Variants in PTPN12 observed in about 807,000 individuals in gnomAD.
PTPN12 encodes the protein protein tyrosine phosphatase non-receptor type 12.
In PTPN12, 29 loss-of-function variants were observed where a neutral mutation model predicts 97.6. The observed-to-expected ratio is 0.30, with a 90% CI of 0.22 to 0.41. PTPN12 has a LOEUF of 0.41. PTPN12 is among the 10% of genes least tolerant of loss of function. The probability of loss-of-function intolerance (pLI) is 1.00; values close to 1 mark genes in which losing one functional copy is unlikely to be tolerated. For synonymous variants in PTPN12, 327 were observed against 300.4 expected (o/e 1.09, Z -0.91); for missense variants, 819 against 926.0 (o/e 0.88, Z 1.50).
intron 12 of PTPN12, among the ~76,000 whole-genome samples, chr7:77,622,804 T>G (rs1253117683): frequency 2.0e-5 from 3 of 151,774 alleles, no homozygotes; most frequent in Admixed American, 1.3e-4. Flanking sequence ...TAAAATACTA[T>G]AAATTTAAAA....
intron 11 of PTPN12, among the ~76,000 whole-genome samples, chr7:77,617,133 G>C (rs1788780781): frequency 6.6e-6 from 1 of 152,116 alleles, no homozygotes; most frequent in African/African-American, 2.4e-5. Flanking sequence ...GGTACCTGAG[G>C]ATCTGAAACT....
At chr7:77,604,502 C>T (rs1788296229) in intron 8 of PTPN12, among the ~76,000 whole-genome samples, 2 of 152,048 alleles carry the variant, frequency 1.3e-5, no homozygotes, top group Non-Finnish European at 2.9e-5. Flanking sequence ...GCGTGAACCA[C>T]TGCGCCCAGC....
intron 5 of PTPN12, among the ~76,000 whole-genome samples, chr7:77,589,489 T>G (rs1584153476): frequency 6.6e-6 from 1 of 152,124 alleles, no homozygotes; most frequent in East Asian, 1.9e-4. Context: ...TTATTTGAAG[T>G]TTTTTAATAC....
intron 11 of PTPN12, among the ~76,000 whole-genome samples, chr7:77,612,918 T>G (rs780019684): frequency 2.0e-5 from 3 of 150,272 alleles, no homozygotes; most frequent in Non-Finnish European, 3.0e-5. Flanking sequence ...ATTACAGGCA[T>G]GTATCACCAC....
At chr7:77,551,928 T>C (rs1807496356) in intron 1 of PTPN12, among the ~76,000 whole-genome samples, 1 of 152,212 alleles carries the variant, frequency 6.6e-6, no homozygotes, top group South Asian at 2.1e-4. Flanking sequence ...CCATGAACTT[T>C]CTGAAGACCC....
Position 77,612,060 on chromosome 7 carries a change from A to T in PTPN12, c.939+1014A>T, listed in dbSNP as rs1256048094. 2.0e-5 allele frequency among the ~76,000 whole-genome samples: 3 copies of T among 150,676 alleles called. No homozygotes were observed. In the Admixed American group the frequency reaches 2.0e-4, roughly 10 times the overall value. On this transcript the variant is annotated intron_variant, in intron 11 of 17. Coordinates refer to ENST00000248594, the MANE Select transcript of PTPN12 (RefSeq NM_002835.4). ...TAACTATTACATTGTTAAACCAAGT[A>T]TGAGAAAATAAGTTGCAAAATTTAT... is the stretch of plus-strand genomic sequence containing the variant.
intron 1 of PTPN12, among the ~76,000 whole-genome samples, chr7:77,550,908 T>A (rs1807450576): frequency 6.6e-6 from 1 of 152,212 alleles, no homozygotes; most frequent in Admixed American, 6.5e-5. Flanking sequence ...ACTTTTGCCT[T>A]GACTGGACCA....
chr7:77,632,954 T>C (rs558717649), intron 14 of PTPN12, among the ~76,000 whole-genome samples: 2 of 151,846 alleles, frequency 1.3e-5, no homozygotes, highest in South Asian at 4.2e-4. Flanking sequence ...AGATTTCGTC[T>C]CAAAAAGTAA....
chr7:77,605,357 A>G (rs1309200704), intron 8 of PTPN12, among the ~76,000 whole-genome samples: 1 of 147,552 alleles, frequency 6.8e-6, no homozygotes, highest in Non-Finnish European at 1.5e-5. Context: ...TCTAAGATGC[A>G]TAAGCCTTTC....
intron 2 of PTPN12, among the ~76,000 whole-genome samples, chr7:77,575,866 T>C (rs368732845): frequency 2.0e-5 from 3 of 152,314 alleles, no homozygotes; most frequent in South Asian, 4.1e-4. Context: ...AACAGTTTTT[T>C]TTTGAGATGA....
At chr7:77,616,484 C>A (rs890282838) in intron 11 of PTPN12, among the ~76,000 whole-genome samples, 7 of 152,170 alleles carry the variant, frequency 4.6e-5, no homozygotes, top group Admixed American at 4.6e-4. Context: ...TCCACATTGC[C>A]TTACCTGCAG....
intron 1 of PTPN12, among the ~76,000 whole-genome samples, chr7:77,555,592 T>C (rs1807671809): frequency 6.6e-6 from 1 of 152,154 alleles, no homozygotes; most frequent in South Asian, 2.1e-4. Flanking sequence ...ACATTCTTCA[T>C]TTTTGTTACA....
chr7:77,627,165 G>A lies in PTPN12; in HGVS notation c.1486G>A (p.Val496Met). The A allele has an allele frequency of 6.2e-7, 1 of 1,614,140 alleles. No homozygotes were observed. Among genetic ancestry groups the A allele is most frequent in the South Asian group, 1.1e-5 (1 of 91,080 alleles). ...CGGTGATACTTCCCAGAATTCTTGT[G>A]TGGACTGCAGTGTAACACAATCAAA... ...NVGDTSQNSC[V>M]DCSVTQSNKV... The change falls in exon 13 of 18, where the codon GTG becomes ATG. Residue 496 changes from valine (V) to methionine (M), a missense_variant. Physicochemically the swap from Val to Met is conservative, Grantham distance 21 (BLOSUM62 1). Coordinates refer to ENST00000248594, the MANE Select transcript of PTPN12 (RefSeq NM_002835.4).
At chr7:77,607,336 G>T in intron 9 of PTPN12, 35 bp downstream of exon 9, 3 of 1,387,194 alleles carry the variant, frequency 2.2e-6, no homozygotes, top group South Asian at 2.4e-5. Flanking sequence ...ATGTTCAATT[G>T]ATCTATTATG....
In PTPN12 at chr7:77,605,206, G is replaced by C. The variant is rs150117059; in HGVS notation, c.696-2029G>C. On this transcript the variant is annotated intron_variant, in intron 8 of 17. Transcript: ENST00000248594. ...TAGTGTACTTTTATCAGGAATTTTA[G>C]GTTACATGTTTAACAAACTGCTGAT... Among the ~76,000 whole-genome samples the C allele has an allele frequency of 7.9e-5, 12 of 151,938 alleles. No individual in the cohort carries two copies. In the East Asian group the frequency reaches 2.1e-3, roughly 27 times the overall value.
rs542334136 is a variant in PTPN12, at chr7:77,543,698, C to T, written c.99+6053C>T. On this transcript the variant is annotated intron_variant, in intron 1 of 17. Transcript: ENST00000248594. ...CCGCCTTCCCATAAGCCCCAGGCAA[C>T]CACAAATCTACCTTCTGTTTCCATA... is the stretch of plus-strand genomic sequence containing the variant. 4.6e-5 allele frequency among the ~76,000 whole-genome samples: 7 copies of T among 152,210 alleles called. No homozygotes were observed. In the South Asian group the frequency reaches 1.4e-3, roughly 32 times the overall value.
chr7:77,616,814 G>T (rs755531719), intron 11 of PTPN12, among the ~76,000 whole-genome samples: 3 of 151,794 alleles, frequency 2.0e-5, no homozygotes, highest in Non-Finnish European at 4.4e-5. Flanking sequence ...ACGGAGTCTT[G>T]CTCTGTCGCC....
chr7:77,613,750 A>AT (rs900555121), intron 11 of PTPN12, among the ~76,000 whole-genome samples: 29 of 151,478 alleles, frequency 1.9e-4, no homozygotes, highest in Non-Finnish European at 3.5e-4. Context: ...TGCCGAGTTT[A>AT]TTTTTTTTAT....
At chr7:77,631,581 TAC>T (rs1282735744) in intron 13 of PTPN12, among the ~76,000 whole-genome samples, 1 of 152,186 alleles carries the variant, frequency 6.6e-6, no homozygotes, top group East Asian at 1.9e-4. Context: ...AAAGATCAAA[TAC>T]ACTCATTTAC....
Sources: allele counts gnomAD v4.1 joint callset (sites outside exome capture counted in the v4.1 genomes callset), GRCh38; gene constraint gnomAD v4.1.1; transcripts MANE v1.5; gene names NCBI Gene and HGNC (gene_info 2026-07-23, HGNC 2026-07-21).